The following SOX5 variants were observed in gnomAD, a reference collection of about 807,000 sequenced individuals.
SOX5 encodes SRY-box transcription factor 5, also known as transcription factor SOX-5.
A neutral mutation model predicts 92.0 loss-of-function variants in SOX5; 9 were observed. The ratio of observed to expected loss-of-function variants is 0.10; its 90% confidence interval spans 0.06 to 0.17. The LOEUF is 0.17. SOX5 is among the 10% of genes least tolerant of loss of function. SOX5 has a pLI of 1.00. For missense variants in SOX5, 642 were observed against 944.5 expected (o/e 0.68, Z 4.20); for synonymous variants, 344 against 336.3 (o/e 1.02, Z -0.25).
chr12:23,566,999 G>A (rs1291031984), intron 10 of SOX5, among the ~76,000 whole-genome samples: 1 of 152,210 alleles, frequency 6.6e-6, no homozygotes, highest in Non-Finnish European at 1.5e-5. Flanking sequence ...GATAGCACTT[G>A]GTATCTGCAG....
chr12:23,695,921 A>G (rs1435332176), intron 6 of SOX5, among the ~76,000 whole-genome samples: 2 of 137,754 alleles, frequency 1.5e-5, no homozygotes, highest in African/African-American at 5.5e-5. Context: ...AGCTTGGGTG[A>G]CAGAGCGAGA....
In SOX5 at chr12:24,350,551, CCAGGCTGGTCTCAAACT is replaced by C. The variant is rs543217384; in HGVS notation, c.-174+17995_-174+18011del. Among the ~76,000 whole-genome samples, 551 of 152,206 alleles carry C rather than the reference CCAGGCTGGTCTCAAACT, an allele frequency of 3.6e-3. 3 individuals carry two copies. The highest frequency in any genetic ancestry group is 5.6e-3 in the Admixed American group (85 of 15,288). On this transcript the variant is annotated intron_variant, in intron 2 of 4. Coordinates refer to the SOX5 transcript ENST00000446891. ...TAGAGATGGGTTATTCCTGTGTTGG[CCAGGCTGGTCTCAAACT>C]CCTGGGCTCAAGCGAGCCTCCTGCT...
intron 4 of SOX5, among the ~76,000 whole-genome samples, chr12:24,169,206 G>A (rs891360641): frequency 6.6e-6 from 1 of 152,042 alleles, no homozygotes; most frequent in African/African-American, 2.4e-5. Context: ...ACCAACTTTT[G>A]CTATATTCTC....
intron 1 of SOX5, among the ~76,000 whole-genome samples, chr12:24,541,784 A>T (rs1952151952): frequency 6.6e-6 from 1 of 152,220 alleles, no homozygotes; most frequent in Admixed American, 6.5e-5. Flanking sequence ...AAAAGGAGAA[A>T]ATGGTAAGTA....
intron 1 of SOX5, among the ~76,000 whole-genome samples, chr12:24,561,198 C>T (rs1378516338): frequency 6.6e-6 from 1 of 152,224 alleles, no homozygotes; most frequent in South Asian, 2.1e-4. Context: ...ACCCAGAGTG[C>T]CTGGACTGCC....
chr12:23,882,410 A>C (rs1394981465), intron 2 of SOX5, among the ~76,000 whole-genome samples: 3 of 152,070 alleles, frequency 2.0e-5, no homozygotes, highest in Non-Finnish European at 4.4e-5. Flanking sequence ...CAAACCCCCG[A>C]ACCATGTCCT....
chr12:23,709,540 C>T (rs576921485), intron 6 of SOX5, among the ~76,000 whole-genome samples: 48 of 152,196 alleles, frequency 3.2e-4, no homozygotes, highest in African/African-American at 1.1e-3. Context: ...AACAAGTACC[C>T]TCAGAGAAAC....
At chr12:24,407,629 A>C (rs571502199) in intron 1 of SOX5, 1 of 152,224 alleles carries the variant, frequency 6.6e-6, no homozygotes, top group African/African-American at 2.4e-5. Context: ...GATGGGGTTG[A>C]CTGTCTGAAG....
At chr12:24,128,525 T>C (rs1373779699) in intron 4 of SOX5, among the ~76,000 whole-genome samples, 1 of 152,088 alleles carries the variant, frequency 6.6e-6, no homozygotes, top group Non-Finnish European at 1.5e-5. Context: ...CGAAACTTGA[T>C]ATTTTGGCTG....
At chr12:23,754,729 A>G (rs1268937228) in intron 4 of SOX5, among the ~76,000 whole-genome samples, 1 of 151,784 alleles carries the variant, frequency 6.6e-6, no homozygotes, top group Non-Finnish European at 1.5e-5. Context: ...CTTAAGAGAG[A>G]AAATTGCTTC....
chr12:23,541,681 G>A (rs924275276), intron 13 of SOX5, among the ~76,000 whole-genome samples: 1 of 152,174 alleles, frequency 6.6e-6, no homozygotes, highest in African/African-American at 2.4e-5. Context: ...AGCTTTGCAT[G>A]TTCATGTCTT....
intron 2 of SOX5, among the ~76,000 whole-genome samples, chr12:23,881,858 C>A (rs1178641861): frequency 6.6e-6 from 1 of 150,716 alleles, no homozygotes; most frequent in African/African-American, 2.4e-5. Flanking sequence ...GAAGCAAAAA[C>A]ACCATATGAA....
chr12:24,086,334 G>T (rs1323404973), intron 4 of SOX5, among the ~76,000 whole-genome samples: 1 of 151,888 alleles, frequency 6.6e-6, no homozygotes, highest in Non-Finnish European at 1.5e-5. Context: ...CATGATTACA[G>T]AATCAACTCA....
At chr12:23,900,515 A>G (rs986467310) in intron 1 of SOX5, among the ~76,000 whole-genome samples, 1 of 152,210 alleles carries the variant, frequency 6.6e-6, no homozygotes, top group African/African-American at 2.4e-5. Context: ...TTGCCTGCAC[A>G]TTGGAATTAC....
chr12:23,916,817 T>C (rs1307727694), intron 1 of SOX5, among the ~76,000 whole-genome samples: 1 of 152,144 alleles, frequency 6.6e-6, no homozygotes, highest in Non-Finnish European at 1.5e-5. Context: ...ACCAGTAAAG[T>C]CTAGGTTTTA....
At chr12:23,836,327 G>C (rs1165095725) in intron 3 of SOX5, among the ~76,000 whole-genome samples, 4 of 151,922 alleles carry the variant, frequency 2.6e-5, no homozygotes, top group African/African-American at 9.7e-5. Context: ...CATTCAGTTA[G>C]AGTGACACTG....
At chr12:24,315,954 A>T (rs1231667582) in intron 2 of SOX5, among the ~76,000 whole-genome samples, 1 of 152,136 alleles carries the variant, frequency 6.6e-6, no homozygotes, top group East Asian at 1.9e-4. Context: ...CCTTCCTTCA[A>T]AGCTAAGGCC....
intron 3 of SOX5, among the ~76,000 whole-genome samples, chr12:24,228,438 T>G (rs1962576110): frequency 6.6e-6 from 1 of 152,224 alleles, no homozygotes; most frequent in African/African-American, 2.4e-5. Flanking sequence ...GGCCTTATTT[T>G]TGTGACAACA....
At chr12:23,669,382 C>T (rs2084378734) in intron 6 of SOX5, among the ~76,000 whole-genome samples, 1 of 152,000 alleles carries the variant, frequency 6.6e-6, no homozygotes, top group South Asian at 2.1e-4. Context: ...GTGAGGGAGA[C>T]ACTACCAGCA....
Sources: allele counts gnomAD v4.1 joint callset (sites outside exome capture counted in the v4.1 genomes callset), GRCh38; gene constraint gnomAD v4.1.1; transcripts MANE v1.5; gene names NCBI Gene and HGNC (gene_info 2026-07-23, HGNC 2026-07-21).